Variants in TNFSF15 observed in about 807,000 individuals in gnomAD.
The protein encoded by TNFSF15 is TNF superfamily member 15.
TNFSF15 carries 15 observed loss-of-function variants against 26.4 expected under a neutral mutation model. The ratio of observed to expected loss-of-function variants is 0.57; its 90% CI spans 0.38 to 0.87. TNFSF15 has a LOEUF of 0.87. Ranked by LOEUF, TNFSF15 falls within the 40% of genes least tolerant of loss-of-function variation. TNFSF15 has a pLI of 0.00. For missense variants in TNFSF15, 290 were observed against 306.1 expected (o/e 0.95, Z 0.39); for synonymous variants, 116 against 115.0 (o/e 1.01, Z -0.06).
intron 1 of TNFSF15, among the ~76,000 whole-genome samples, chr9:114,796,584 A>C (rs1265829592): frequency 1.3e-5 from 2 of 152,224 alleles, no homozygotes; most frequent in Middle Eastern, 3.2e-3. Flanking sequence ...GGAGAATCAG[A>C]AGAAATTGCT....
intron 1 of TNFSF15, 40 bp from the exon 2 acceptor site, chr9:114,793,608 C>G (rs1829638187): frequency 6.3e-7 from 1 of 1,597,574 alleles, no homozygotes; most frequent in Non-Finnish European, 8.6e-7. Context: ...AACTGTGGTC[C>G]TTTTGATCCC....
chr9:114,791,057 G>T, intron 3 of TNFSF15, 151 bp from the exon 4 acceptor site: 1 of 697,016 alleles, frequency 1.4e-6, no homozygotes, highest in Non-Finnish European at 2.5e-6. Flanking sequence ...TGAAGAATAT[G>T]TGACTGGACA....
chr9:114,805,971 A>T lies in TNFSF15; in HGVS notation c.42T>A (p.Ser14Arg), dbSNP rs369441005. 4.8e-5 allele frequency: 78 copies of T among 1,613,914 alleles called. No individual in the cohort carries two copies. The highest frequency in any genetic ancestry group is 6.3e-5 in the Non-Finnish European group (74 of 1,180,020). The change falls in exon 1 of 4, where the codon AGT becomes AGA. Residue 14 changes from serine to arginine, a missense_variant. This residue lies in a region of TNFSF15 where 179 missense variants were observed against 165.9 expected (regional missense o/e 1.08). Transcript: ENST00000374045. ...DLGLSFGETA[S>R]VEMLPEHGSC... is the part of the protein sequence containing the mutation. Reference sequence around the variant, plus strand: ...TGCCGTGCTCTGGCAGCATTTCCACACTGGCTGTTTCCCCAAAGCTCAGTC... The same window carrying T: ...TGCCGTGCTCTGGCAGCATTTCCACTCTGGCTGTTTCCCCAAAGCTCAGTC...
At chr9:114,795,704 A>G (rs1202837009) in intron 1 of TNFSF15, among the ~76,000 whole-genome samples, 2 of 152,190 alleles carry the variant, frequency 1.3e-5, no homozygotes, top group African/African-American at 4.8e-5. Context: ...GGACTGTCTC[A>G]TGAATGAGGA....
At position 114,790,925 on chromosome 9, in the gene TNFSF15, G is replaced by T. The variant is rs1328676628; in HGVS notation, c.302-19C>A. On this transcript the variant is annotated intron_variant, in intron 3 of 3. Transcript: ENST00000374045. ...CTCACAACTGGAAAGACAAGAAAGA[G>T]GATTAATTTTCTCATTGGGAAACTG... 6.2e-7 allele frequency: 1 copy of T among 1,611,188 alleles called. No individual in the cohort carries two copies. The highest frequency in any genetic ancestry group is 1.3e-5 in the African/African-American group (1 of 74,768).
intron 1 of TNFSF15, 69 bp from the exon 2 acceptor site, chr9:114,793,637 T>C: frequency 6.9e-7 from 1 of 1,445,386 alleles, no homozygotes; most frequent in Non-Finnish European, 9.7e-7. Context: ...CAGCTTCCCA[T>C]AGCACAGGTA....
chr9:114,795,771 T>G (rs1326166960), intron 1 of TNFSF15, among the ~76,000 whole-genome samples: 1 of 152,176 alleles, frequency 6.6e-6, no homozygotes. Context: ...GAGACTAAAT[T>G]GACGTGTTTT....
rs1829563505 is a variant in TNFSF15 at position 114,789,775 on chromosome 9, G to A, written c.*677C>T. The A allele has an allele frequency of 6.6e-6, 1 of 152,314 alleles. No homozygotes were observed. Among genetic ancestry groups the A allele is most frequent in the African/African-American group, 2.4e-5 (1 of 41,438 alleles). 9.4% of individuals were successfully genotyped at this position (152,314 alleles called of 1,614,324 possible). ...AATAGGTGGGCAAGAAAACTCTACT[G>A]AATACAAGCAACTGTTGTATTTTTG... On this transcript the variant is annotated 3_prime_UTR_variant, in exon 4 of 4. Coordinates refer to ENST00000374045, the MANE Select transcript of TNFSF15 (RefSeq NM_005118.4).
rs1332361502 is a variant in TNFSF15, at chr9:114,789,773, CT to C, written c.*678del. On this transcript the variant is annotated 3_prime_UTR_variant, in exon 4 of 4. Coordinates refer to ENST00000374045, the MANE Select transcript of TNFSF15 (RefSeq NM_005118.4). ...AAAATAGGTGGGCAAGAAAACTCTA[CT>C]GAATACAAGCAACTGTTGTATTTTT... The C allele has an allele frequency of 6.6e-6, 1 of 152,316 alleles. No individual in the cohort carries two copies. Among genetic ancestry groups the C allele is most frequent in the Non-Finnish European group, 1.5e-5 (1 of 68,030 alleles). 9.4% of individuals were successfully genotyped at this position (152,316 alleles called of 1,614,324 possible).
chr9:114,785,130 G>A lies in TNFSF15; in HGVS notation c.*5322C>T, dbSNP rs1044724027. 10 of 152,160 alleles carry A rather than the reference G, an allele frequency of 6.6e-5. No homozygotes were observed. The highest frequency in any genetic ancestry group is 3.9e-4 in the Admixed American group (6 of 15,250). The allele number at this position is 152,160 out of a possible 1,614,324, so 9.4% of individuals were successfully genotyped here. On this transcript the variant is annotated 3_prime_UTR_variant, in exon 4 of 4. Coordinates refer to ENST00000374045, the MANE Select transcript of TNFSF15 (RefSeq NM_005118.4). ...GATGCTCAAAACAAAAATGATTTAC[G>A]AATGAAGTTGAAAGACTGCTGGGCT...
At chr9:114,791,017 C>CTATATTCCTCCCCAA in intron 3 of TNFSF15, 111 bp from the exon 4 acceptor site, 1 of 990,790 alleles carries the variant, frequency 1.0e-6, no homozygotes. Flanking sequence ...ATATACCTAA[C>CTATATTCCTCCCCAA]AGCTAAAAAC....
chr9:114,790,417 C>T lies in TNFSF15; in HGVS notation c.*35G>A, dbSNP rs1829576113. The T allele has an allele frequency of 8.5e-6, 13 of 1,522,898 alleles. No homozygotes were observed. The highest frequency in any genetic ancestry group is 1.4e-5 in the African/African-American group (1 of 71,850). 94.3% of individuals were successfully genotyped at this position (1,522,898 alleles called of 1,614,324 possible). The stretch of plus-strand genomic sequence containing the variant: ...ACAAAGAAAATTAGGAACTCGGTGG[C>T]AGAGGACTTTCATATAATGATATTT... On this transcript the variant is annotated 3_prime_UTR_variant, in exon 4 of 4. Transcript: ENST00000374045.
At position 114,790,834 on chromosome 9, in the gene TNFSF15, A is replaced by G; in HGVS notation, c.374T>C (p.Leu125Pro). The G allele has an allele frequency of 1.2e-6, 2 of 1,614,154 alleles. No homozygotes were observed. Among genetic ancestry groups the G allele is most frequent in the Non-Finnish European group, 1.7e-6 (2 of 1,180,026 alleles). Residue 125 changes from leucine (L) to proline (P), a missense_variant, in exon 4 of 4, where the codon CTG becomes CCG. Transcript: ENST00000374045. The part of the protein sequence containing the change: ...PALHWEHELG[L>P]AFTKNRMNYT... ...GTTCATTCGGTTCTTGGTGAAGGCC[A>G]GGCCTAGTTCATGTTCCCAGTGCAG...
intron 1 of TNFSF15, among the ~76,000 whole-genome samples, chr9:114,801,740 T>C (rs947120494): frequency 1.3e-5 from 2 of 152,218 alleles, no homozygotes; most frequent in African/African-American, 4.8e-5. Context: ...CTTTCAACCC[T>C]AAACTCTTCC....
intron 1 of TNFSF15, among the ~76,000 whole-genome samples, 157 bp from the exon 2 acceptor site, chr9:114,793,725 G>A (rs1829639507): frequency 6.6e-6 from 1 of 152,096 alleles, no homozygotes; most frequent in Non-Finnish European, 1.5e-5. Flanking sequence ...TTGTTGATGG[G>A]AATCTTGCAT....
intron 1 of TNFSF15, among the ~76,000 whole-genome samples, chr9:114,799,238 AC>A (rs1037365355): frequency 1.1e-4 from 16 of 152,174 alleles, no homozygotes; most frequent in Admixed American, 9.8e-4. Flanking sequence ...ATGTCACTTG[AC>A]CTCAATGGAA....
intron 1 of TNFSF15, among the ~76,000 whole-genome samples, chr9:114,795,688 G>A (rs1185714451): frequency 6.6e-6 from 1 of 152,176 alleles, no homozygotes; most frequent in Admixed American, 6.5e-5. Context: ...TGTGGATACC[G>A]AGGGAGGACT....
intron 1 of TNFSF15, among the ~76,000 whole-genome samples, chr9:114,802,423 T>G (rs1332729297): frequency 6.6e-6 from 1 of 152,168 alleles, no homozygotes; most frequent in Non-Finnish European, 1.5e-5. Flanking sequence ...CAGCTGATTT[T>G]TGTATTTTTA....
chr9:114,793,559 C>G lies in TNFSF15; in HGVS notation c.220G>C (p.Gly74Arg). The change falls in exon 2 of 4, where the codon GGA becomes CGA. Residue 74 changes from glycine to arginine, a missense_variant. Coordinates refer to ENST00000374045, the MANE Select transcript of TNFSF15 (RefSeq NM_005118.4). ...TGATGTGAAGGTGCAAACTCCTGTC[C>G]TTTTAGAGCCTATTGGGAAAGAAAG... is the stretch of plus-strand genomic sequence containing the variant. ...EACVQFQALK[G>R]QEFAPSHQQV... is the part of the protein sequence containing the mutation. 1 of 1,613,828 alleles carries G rather than the reference C, an allele frequency of 6.2e-7. No homozygotes were observed. Among genetic ancestry groups the G allele is most frequent in the Non-Finnish European group, 8.5e-7 (1 of 1,179,768 alleles).
Sources: gnomAD v4.1 joint callset for allele counts (sites outside exome capture counted in the v4.1 genomes callset) on GRCh38, gnomAD v4.1.1 for gene constraint, gnomAD v4.1.1 regional missense constraint, MANE v1.5 for transcripts, NCBI Gene and HGNC (gene_info 2026-07-23, HGNC 2026-07-21) for gene names.